VPS13A: variants seen among roughly 807,000 people sequenced by gnomAD.
VPS13A encodes the protein vacuolar protein sorting 13 homolog A.
Under a neutral mutation model 390.9 loss-of-function variants are expected in VPS13A, and 264 were observed. That is an observed-to-expected ratio of 0.68 (90% CI 0.61 to 0.75). The LOEUF (loss-of-function observed/expected upper bound fraction) is 0.75, where lower values mean the gene tolerates loss of function less well. Ranked by LOEUF, VPS13A falls within the 30% of genes least tolerant of loss-of-function variation. The pLI is 0.00. For synonymous variants in VPS13A, 1,231 were observed against 1,227.1 expected (o/e 1.00, Z -0.07); for missense variants, 3,409 against 3,733.9 (o/e 0.91, Z 2.27).
intron 24 of VPS13A, among the ~76,000 whole-genome samples, 166 bp from the exon 25 acceptor site, chr9:77,275,309 TTTGTTTAAAATGGACAATAAAAA>T (rs1166322228): frequency 1.3e-5 from 2 of 152,190 alleles, no homozygotes; most frequent in African/African-American, 4.8e-5. Flanking sequence ...AGAGTATCCC[TTTGTTTAAAATGGACAATAAAAA>T]AGTACAGTAA....
chr9:77,319,937 G>A (rs1317160568), intron 42 of VPS13A, among the ~76,000 whole-genome samples: 1 of 152,030 alleles, frequency 6.6e-6, no homozygotes, highest in Non-Finnish European at 1.5e-5. Context: ...ACAAGGTTCA[G>A]GTTGTCTCAT....
chr9:77,252,807 G>C (rs1825218939), intron 22 of VPS13A, among the ~76,000 whole-genome samples: 1 of 152,134 alleles, frequency 6.6e-6, no homozygotes, highest in Non-Finnish European at 1.5e-5. Context: ...CCATGTTGGA[G>C]CATATGTCAG....
Position 77,295,626 on chromosome 9 carries a change from A to G in VPS13A, c.3592A>G (p.Lys1198Glu). The G allele has an allele frequency of 6.2e-7, 1 of 1,614,044 alleles. No individual in the cohort carries two copies. The highest frequency in any genetic ancestry group is 8.5e-7 in the Non-Finnish European group (1 of 1,179,958). ...QAAGMAATGV[K>E]ELAQRSSRMA... ...AGCTGGAATGGCTGCTACTGGTGTA[A>G]AAGAACTCGCACAAAGGAGTTCCAG... The change falls in exon 33 of 72, where the codon AAA becomes GAA. Residue 1198 changes from lysine (K) to glutamate (E), a missense_variant. By Grantham distance (56) the Lys-to-Glu change is moderately conservative. Around this residue, in one of 5 missense-constraint regions of VPS13A, gnomAD observed 2,717 missense variants for 2,917.4 expected, o/e 0.93. Coordinates refer to ENST00000360280, the MANE Select transcript of VPS13A (RefSeq NM_033305.3).
At chr9:77,377,212 T>TTTTTGTTTTTTTTTTTTTTTTTTTTG (rs200336375) in intron 67 of VPS13A, among the ~76,000 whole-genome samples, 1 of 115,588 alleles carries the variant, frequency 8.7e-6, no homozygotes, top group Admixed American at 8.6e-5. Context: ...TGTTTTTTTT[T>TTTTTGTTTTTTTTTTTTTTTTTTTTG]TTTTTTTTTT....
At chr9:77,394,149 C>CG (rs977256193) in intron 68 of VPS13A, among the ~76,000 whole-genome samples, 2 of 152,030 alleles carry the variant, frequency 1.3e-5, no homozygotes, top group Admixed American at 1.3e-4. Flanking sequence ...ATTGCAGCCT[C>CG]GAACTCCCAG....
chr9:77,348,155 T>C (rs1183488941), intron 52 of VPS13A, among the ~76,000 whole-genome samples: 1 of 152,148 alleles, frequency 6.6e-6, no homozygotes, highest in Non-Finnish European at 1.5e-5. Flanking sequence ...ATCATTCTCT[T>C]ATAAAGATAG....
In VPS13A at chr9:77,221,186, TG is replaced by T. The variant is rs1353432136; in HGVS notation, c.994del (p.Ala332LeufsTer10). ...VPLHHHAREW[W>X]AYAIHGVLEV... is the part of the protein sequence containing the mutation. ...AAATGTTTTTCTTTTTTTAACTAGG[TG>T]GGCTTATGCTATACATGGCGTTCTT... On this transcript the variant is annotated frameshift_variant and splice_region_variant, in exon 13 of 72. Transcript: ENST00000360280. LOFTEE classifies it high-confidence loss of function. The T allele has an allele frequency of 1.9e-6, 3 of 1,613,122 alleles. No individual in the cohort carries two copies. The highest frequency in any genetic ancestry group is 3.3e-4 in the Middle Eastern group (2 of 6,062).
intron 1 of VPS13A, 143 bp downstream of exon 1, chr9:77,177,947 T>G: frequency 1.5e-6 from 1 of 683,684 alleles, no homozygotes; most frequent in Non-Finnish European, 2.5e-6. Context: ...GTGGGTCAAG[T>G]TACGTAAAGC....
chr9:77,306,977 G>A (rs973077901), intron 34 of VPS13A, among the ~76,000 whole-genome samples: 1 of 151,112 alleles, frequency 6.6e-6, no homozygotes, highest in Non-Finnish European at 1.5e-5. Context: ...CGCGATCTCG[G>A]CTCACTGCAC....
chr9:77,339,838 G>A lies in VPS13A; in HGVS notation c.6701G>A (p.Arg2234Gln), dbSNP rs967031995. 4 of 1,613,846 alleles carry A rather than the reference G, an allele frequency of 2.5e-6. No individual in the cohort carries two copies. The highest frequency in any genetic ancestry group is 2.2e-5 in the East Asian group (1 of 44,862). ...CAGTACAAAGCAGACGGAATTCATC[G>A]AAAGCATCCACCTAATTATAAAAAG... Reference protein sequence around the residue: ...MLQYKADGIHRKHPPNYKKPV... With the variant: ...MLQYKADGIHQKHPPNYKKPV... Residue 2234 changes from arginine to glutamine, a missense_variant, in exon 48 of 72, where the codon CGA (arginine) becomes CAA (glutamine). Physicochemically the swap from Arg to Gln is conservative, Grantham distance 43 (BLOSUM62 1). Transcript: ENST00000360280.
intron 23 of VPS13A, among the ~76,000 whole-genome samples, chr9:77,272,379 T>C (rs895278253): frequency 5.9e-5 from 9 of 152,172 alleles, no homozygotes; most frequent in African/African-American, 2.2e-4. Context: ...CACAAGCACC[T>C]ATGGGCATAT....
intron 42 of VPS13A, 95 bp downstream of exon 42, chr9:77,319,768 G>C (rs988034940): frequency 1.5e-6 from 1 of 668,064 alleles, no homozygotes. Context: ...CAGCAAAATT[G>C]AGAAGAAGGA....
intron 14 of VPS13A, 136 bp from the exon 15 acceptor site, chr9:77,226,330 G>C (rs1823511674): frequency 3.8e-6 from 3 of 782,738 alleles, no homozygotes; most frequent in East Asian, 5.4e-5. Context: ...CAGTTTCTGT[G>C]TTCTGTTATT....
At chr9:77,407,863 ATTAAT>A (rs1834700102) in intron 71 of VPS13A, among the ~76,000 whole-genome samples, 1 of 149,998 alleles carries the variant, frequency 6.7e-6, no homozygotes. Flanking sequence ...GCTAACTCTA[ATTAAT>A]TTTTTTTAAT....
intron 23 of VPS13A, among the ~76,000 whole-genome samples, chr9:77,270,898 A>G (rs1398738383): frequency 6.6e-6 from 1 of 152,236 alleles, no homozygotes; most frequent in Admixed American, 6.5e-5. Flanking sequence ...AAAGTCCACA[A>G]GTGTAATTTC....
chr9:77,415,470 T>C (rs1173946895), intron 71 of VPS13A, among the ~76,000 whole-genome samples: 1 of 152,204 alleles, frequency 6.6e-6, no homozygotes, highest in East Asian at 1.9e-4. Context: ...GGTAGAAAGG[T>C]TGTGTATTAC....
intron 62 of VPS13A, among the ~76,000 whole-genome samples, chr9:77,369,073 G>A (rs1168717036): frequency 6.6e-6 from 1 of 152,152 alleles, no homozygotes; most frequent in Non-Finnish European, 1.5e-5. Flanking sequence ...AGAGGTTGCA[G>A]TGAGCCGAGA....
intron 53 of VPS13A, among the ~76,000 whole-genome samples, chr9:77,352,505 GA>G (rs983438663): frequency 2.6e-5 from 4 of 151,518 alleles, no homozygotes; most frequent in African/African-American, 7.3e-5. Context: ...ATTTATTCAG[GA>G]AAAAAAATTG....
chr9:77,369,484 TA>T (rs1273884397), intron 63 of VPS13A, 72 bp downstream of exon 63: 3 of 1,018,524 alleles, frequency 2.9e-6, no homozygotes, highest in Non-Finnish European at 4.7e-6. Flanking sequence ...TTTCTATTGT[TA>T]AGTTGAGTTA....
Sources: gnomAD v4.1 joint callset for allele counts (sites outside exome capture counted in the v4.1 genomes callset) on GRCh38, gnomAD v4.1.1 for gene constraint, gnomAD v4.1.1 regional missense constraint, MANE v1.5 for transcripts, NCBI Gene and HGNC (gene_info 2026-07-23, HGNC 2026-07-21) for gene names.